Variants in GABRA4 observed in about 807,000 individuals in gnomAD.
GABRA4 encodes gamma-aminobutyric acid receptor subunit alpha-4.
In GABRA4, 12 loss-of-function variants were observed where a neutral mutation model predicts 49.7. That is an observed-to-expected ratio of 0.24 (90% CI 0.15 to 0.39). The LOEUF (loss-of-function observed/expected upper bound fraction) is 0.39. Ranked by LOEUF, GABRA4 falls within the 10% of genes least tolerant of loss-of-function variation. The probability of loss-of-function intolerance (pLI) is 1.00; values close to 1 mark genes in which losing one functional copy is unlikely to be tolerated. For missense variants in GABRA4, 506 were observed against 686.0 expected (o/e 0.74, Z 2.93); for synonymous variants, 288 against 240.2 (o/e 1.20, Z -1.84).
chr4:46,979,029 A>C lies in GABRA4; in HGVS notation c.273+2T>G, dbSNP rs1327557995. ...GGTACATTAAACTTCGAAAATACCT[A>C]CCATTTCAACATCAGAAACAGGTCC... is the stretch of plus-strand genomic sequence containing the variant. On this transcript the variant is annotated splice_donor_variant, in intron 3 of 8. Transcript: ENST00000264318. LOFTEE classifies it high-confidence loss of function. The C allele has an allele frequency of 6.2e-7, 1 of 1,600,558 alleles. No homozygotes were observed. Among genetic ancestry groups the C allele is most frequent in the Non-Finnish European group, 8.6e-7 (1 of 1,168,712 alleles).
At chr4:46,956,408 T>C (rs1722364323) in intron 8 of GABRA4, among the ~76,000 whole-genome samples, 1 of 152,078 alleles carries the variant, frequency 6.6e-6, no homozygotes, top group Non-Finnish European at 1.5e-5. Flanking sequence ...AAGAGGAATT[T>C]TGAGAATGAT....
chr4:46,977,652 A>G (rs370273157), intron 3 of GABRA4, 22 bp from the exon 4 acceptor site: 2 of 1,535,642 alleles, frequency 1.3e-6, no homozygotes, highest in Admixed American at 3.5e-5. Flanking sequence ...ATTTTGGAAC[A>G]TATTTAAGTT....
At chr4:46,982,310 A>G (rs899518374) in intron 2 of GABRA4, among the ~76,000 whole-genome samples, 42 of 152,188 alleles carry the variant, frequency 2.8e-4, no homozygotes, top group Non-Finnish European at 5.1e-4. Flanking sequence ...CTTAAGTTAA[A>G]ATGAGTTCAC....
chr4:46,971,376 G>T, intron 6 of GABRA4, 141 bp from the exon 7 acceptor site: 1 of 717,612 alleles, frequency 1.4e-6, no homozygotes. Context: ...ACATCAATAA[G>T]TATGTAGTTT....
chr4:46,921,144 T>A lies in GABRA4; in HGVS notation c.*7081A>T, dbSNP rs1721012155. 6.6e-6 allele frequency: 1 copy of A among 151,608 alleles called. No homozygotes were observed. Among genetic ancestry groups the A allele is most frequent in the Admixed American group, 6.6e-5 (1 of 15,216 alleles). 9.4% of individuals were successfully genotyped at this position (151,608 alleles called of 1,614,324 possible). A position where few individuals can be genotyped will look rare whatever the true frequency, so the allele number is the denominator to read the frequency against. On this transcript the variant is annotated 3_prime_UTR_variant, in exon 9 of 9. Transcript: ENST00000264318. ...ACGCATGGGTATTTCTTTTTTTTTT[T>A]AACGGAAGTAATTAGTGGTAGAGAA...
intron 5 of GABRA4, among the ~76,000 whole-genome samples, chr4:46,975,025 A>G (rs1723090424): frequency 6.6e-6 from 1 of 151,882 alleles, no homozygotes; most frequent in Non-Finnish European, 1.5e-5. Context: ...ATTTCCCCTT[A>G]CATCTTCAAC....
intron 8 of GABRA4, among the ~76,000 whole-genome samples, chr4:46,929,587 C>T (rs962384805): frequency 1.3e-5 from 2 of 152,024 alleles, no homozygotes; most frequent in Non-Finnish European, 2.9e-5. Flanking sequence ...CACTAAAATT[C>T]TTATAATATT....
intron 6 of GABRA4, among the ~76,000 whole-genome samples, chr4:46,973,556 C>A (rs1226921718): frequency 6.6e-6 from 1 of 151,676 alleles, no homozygotes. Context: ...ATGGCCCAAA[C>A]AAACTAAGTT....
At chr4:46,992,774 A>G in intron 2 of GABRA4, 54 bp downstream of exon 2, 1 of 1,247,374 alleles carries the variant, frequency 8.0e-7, no homozygotes, top group Non-Finnish European at 1.2e-6. Flanking sequence ...GACAGACAGG[A>G]AGACCAAGAG....
intron 8 of GABRA4, among the ~76,000 whole-genome samples, chr4:46,935,195 G>A (rs1356857031): frequency 1.3e-5 from 2 of 152,134 alleles, no homozygotes; most frequent in African/African-American, 4.8e-5. Flanking sequence ...TTGCTAAACA[G>A]TTAAAATTGT....
chr4:46,965,691 C>T (rs1164910211), intron 7 of GABRA4, among the ~76,000 whole-genome samples: 3 of 151,718 alleles, frequency 2.0e-5, no homozygotes, highest in Non-Finnish European at 4.4e-5. Flanking sequence ...ACACTGGCCT[C>T]CTAAATTTGA....
chr4:46,937,869 T>G (rs1182777993), intron 8 of GABRA4, among the ~76,000 whole-genome samples: 1 of 152,144 alleles, frequency 6.6e-6, no homozygotes, highest in Non-Finnish European at 1.5e-5. Flanking sequence ...ACCAAATATT[T>G]TTCCCTGAAT....
chr4:46,975,961 G>T (rs1046983568), intron 5 of GABRA4, among the ~76,000 whole-genome samples: 1 of 151,886 alleles, frequency 6.6e-6, no homozygotes, highest in Admixed American at 6.6e-5. Context: ...AGTGACTGCC[G>T]ATTCTCATTA....
intron 5 of GABRA4, among the ~76,000 whole-genome samples, chr4:46,976,701 ATG>A (rs1299158562): frequency 2.0e-5 from 3 of 151,556 alleles, no homozygotes; most frequent in African/African-American, 2.4e-5. Context: ...CTGAAGTGAT[ATG>A]TGTTATAATT....
At chr4:46,956,065 T>C (rs984728372) in intron 8 of GABRA4, among the ~76,000 whole-genome samples, 1 of 152,066 alleles carries the variant, frequency 6.6e-6, no homozygotes, top group Non-Finnish European at 1.5e-5. Flanking sequence ...AGATGAAACA[T>C]AGTTAGTTCT....
chr4:46,942,372 T>C (rs2109348926), intron 8 of GABRA4, among the ~76,000 whole-genome samples: 1 of 152,214 alleles, frequency 6.6e-6, no homozygotes, highest in Admixed American at 6.5e-5. Context: ...ATCTTTCCTT[T>C]GAAATTATTT....
rs1395284528 is a variant in GABRA4 at position 46,921,072 on chromosome 4, C to T, written c.*7153G>A. On this transcript the variant is annotated 3_prime_UTR_variant, in exon 9 of 9. Coordinates refer to ENST00000264318, the MANE Select transcript of GABRA4 (RefSeq NM_000809.4). ...CATTTTGAAGTGGAGATGTTTGTCT[C>T]TAGTAAAAGGAAAGGATAACATTTT... 6.6e-6 allele frequency: 1 copy of T among 150,880 alleles called. No homozygotes were observed. The highest frequency in any genetic ancestry group is 6.6e-5 in the Admixed American group (1 of 15,110). 9.3% of individuals were successfully genotyped at this position (150,880 alleles called of 1,614,324 possible).
At chr4:46,964,731 A>C (rs1722692959) in intron 8 of GABRA4, among the ~76,000 whole-genome samples, 1 of 151,836 alleles carries the variant, frequency 6.6e-6, no homozygotes. Context: ...GTAACTCCGA[A>C]AGAAACTTTC....
intron 8 of GABRA4, among the ~76,000 whole-genome samples, chr4:46,936,829 T>C (rs1577747469): frequency 6.6e-6 from 1 of 152,304 alleles, no homozygotes. Flanking sequence ...TTTCCCTTTA[T>C]CTCTTATGTC....
Sources: allele counts gnomAD v4.1 joint callset (sites outside exome capture counted in the v4.1 genomes callset), GRCh38; gene constraint gnomAD v4.1.1; transcripts MANE v1.5; gene names NCBI Gene and HGNC (gene_info 2026-07-23, HGNC 2026-07-21).